CNTNAP5: variants seen among roughly 807,000 people sequenced by gnomAD.
The protein encoded by CNTNAP5 is contactin-associated protein-like 5.
Under a neutral mutation model 150.2 loss-of-function variants are expected in CNTNAP5, and 72 were observed. The observed-to-expected ratio is 0.48, with a 90% CI of 0.40 to 0.58. CNTNAP5 has a LOEUF of 0.58. CNTNAP5 is among the 20% of genes least tolerant of loss of function. CNTNAP5 has a pLI of 0.00. For missense variants in CNTNAP5, 1,636 were observed against 1,626.2 expected, an observed-to-expected ratio of 1.01 and a Z score of -0.10; for synonymous variants, 672 against 619.8, an observed-to-expected ratio of 1.08 and a Z score of -1.25.
Position 124,795,087 on chromosome 2 carries a change from C to A in CNTNAP5, c.2993-3009C>A, listed in dbSNP as rs146013667. 8.9e-4 allele frequency among the ~76,000 whole-genome samples: 136 copies of A among 152,258 alleles called. 1 individual carries two copies. In the East Asian group the frequency reaches 0.021, roughly 24 times the overall value. On this transcript the variant is annotated intron_variant, in intron 18 of 23. Transcript: ENST00000682447. ...GTTTGTTCTAATTCCAAATCTAATT[C>A]TACTACTATTATTAAAACCAGCTAC...
intron 1 of CNTNAP5, among the ~76,000 whole-genome samples, chr2:124,181,855 T>C (rs1405212487): frequency 1.3e-5 from 2 of 152,332 alleles, no homozygotes; most frequent in African/African-American, 4.8e-5. Flanking sequence ...TGGTATTAAT[T>C]ATGTGACAGA....
chr2:124,441,908 G>A lies in CNTNAP5; in HGVS notation c.734-4845G>A, dbSNP rs185674937. Among the ~76,000 whole-genome samples the A allele has an allele frequency of 3.0e-3, 461 of 151,276 alleles. 6 individuals carry two copies. In the East Asian group the frequency reaches 0.037, roughly 12 times the overall value. On this transcript the variant is annotated intron_variant, in intron 5 of 23. Transcript: ENST00000682447. ...AGTAAATGAACAATGTAAACAAGGA[G>A]CAATGCTAATCCACTTTTGAGGAAA...
chr2:124,248,699 T>C (rs1311604621), intron 3 of CNTNAP5, among the ~76,000 whole-genome samples: 1 of 152,218 alleles, frequency 6.6e-6, no homozygotes, highest in African/African-American at 2.4e-5. Context: ...GCCTAACCTC[T>C]TTAAGGAGTA....
At chr2:124,832,306 A>T (rs891449824) in intron 19 of CNTNAP5, among the ~76,000 whole-genome samples, 1 of 152,160 alleles carries the variant, frequency 6.6e-6, no homozygotes, top group Non-Finnish European at 1.5e-5. Flanking sequence ...TCGTTTATTT[A>T]TGCATCTACT....
At chr2:124,062,804 T>A (rs1338487963) in intron 1 of CNTNAP5, among the ~76,000 whole-genome samples, 1 of 151,698 alleles carries the variant, frequency 6.6e-6, no homozygotes, top group Admixed American at 6.6e-5. Context: ...TCCTTGGGAG[T>A]TTTTTTGGTG....
intron 1 of CNTNAP5, among the ~76,000 whole-genome samples, chr2:124,126,357 G>A (rs935375720): frequency 6.6e-6 from 1 of 152,100 alleles, no homozygotes; most frequent in Admixed American, 6.5e-5. Context: ...GACTAAATCA[G>A]GAAGAAGTTG....
chr2:124,710,897 A>G (rs1175477548), intron 13 of CNTNAP5, among the ~76,000 whole-genome samples: 1 of 152,136 alleles, frequency 6.6e-6, no homozygotes, highest in Non-Finnish European at 1.5e-5. Context: ...TCTCCTTGCC[A>G]TTACTGTGCA....
rs187780435 is a variant in CNTNAP5, at chr2:124,077,384, A to G, written c.82+51652A>G. On this transcript the variant is annotated intron_variant, in intron 1 of 23. Coordinates refer to ENST00000682447, the MANE Select transcript of CNTNAP5 (RefSeq NM_001367498.1). ...ATTCTCCTAAACTAAGCTGTGTGATAAACTAGAGATAACTCCCAAATTCAA... is the reference window on the plus strand; with the variant it reads ...ATTCTCCTAAACTAAGCTGTGTGATGAACTAGAGATAACTCCCAAATTCAA... 4.5e-3 allele frequency among the ~76,000 whole-genome samples: 690 copies of G among 152,322 alleles called. 10 individuals are homozygous for G. Among genetic ancestry groups the G allele is most frequent in the Non-Finnish European group, 2.1e-3 (140 of 68,036 alleles).
At chr2:124,275,043 A>T (rs943402079) in intron 3 of CNTNAP5, among the ~76,000 whole-genome samples, 1 of 152,174 alleles carries the variant, frequency 6.6e-6, no homozygotes, top group Non-Finnish European at 1.5e-5. Flanking sequence ...TTACATGGAC[A>T]GTGTCAGGCA....
intron 11 of CNTNAP5, among the ~76,000 whole-genome samples, chr2:124,605,159 C>T (rs1697073082): frequency 6.6e-6 from 1 of 152,214 alleles, no homozygotes; most frequent in African/African-American, 2.4e-5. Flanking sequence ...CAGCTTACCA[C>T]CACCCAGCCT....
In CNTNAP5 at chr2:124,063,176, A is replaced by C. The variant is rs537841532; in HGVS notation, c.82+37444A>C. Among the ~76,000 whole-genome samples, 13 of 152,254 alleles carry C rather than the reference A, an allele frequency of 8.5e-5. No individual in the cohort carries two copies. The South Asian group carries it at 2.5e-3, about 29-fold the overall frequency. ...CCGAAACGGAAAAACTAATACAGCC[A>C]AATAATGAGCTCATAAATACTAATT... On this transcript the variant is annotated intron_variant, in intron 1 of 23. Transcript: ENST00000682447.
intron 13 of CNTNAP5, among the ~76,000 whole-genome samples, chr2:124,726,945 C>A (rs1680168926): frequency 6.6e-6 from 1 of 151,882 alleles, no homozygotes; most frequent in South Asian, 2.1e-4. Flanking sequence ...CCAGTGTTTT[C>A]TTCTGTTATT....
chr2:124,506,197 A>AAAG (rs953108380), intron 8 of CNTNAP5, among the ~76,000 whole-genome samples: 3 of 151,932 alleles, frequency 2.0e-5, no homozygotes, highest in Admixed American at 2.0e-4. Context: ...TAAAGAAAAA[A>AAAG]AAAAAAAAAA....
At chr2:124,292,083 C>T (rs931825549) in intron 3 of CNTNAP5, among the ~76,000 whole-genome samples, 2 of 152,120 alleles carry the variant, frequency 1.3e-5, no homozygotes, top group African/African-American at 4.8e-5. Context: ...CAGGAGGGTG[C>T]ACCCCAGTTT....
At chr2:124,738,002 T>C (rs1218873253) in intron 13 of CNTNAP5, among the ~76,000 whole-genome samples, 1 of 152,238 alleles carries the variant, frequency 6.6e-6, no homozygotes, top group Non-Finnish European at 1.5e-5. Flanking sequence ...AGTCTAAATA[T>C]ACACAATGGC....
chr2:124,047,922 C>T (rs776429853), intron 1 of CNTNAP5, among the ~76,000 whole-genome samples: 1 of 152,182 alleles, frequency 6.6e-6, no homozygotes, highest in African/African-American at 2.4e-5. Flanking sequence ...TGTCTTTATA[C>T]TGCTCCTCTA....
intron 21 of CNTNAP5, among the ~76,000 whole-genome samples, chr2:124,894,828 T>C (rs898753850): frequency 6.6e-6 from 1 of 151,442 alleles, no homozygotes; most frequent in Non-Finnish European, 1.5e-5. Context: ...ACTGGGATTA[T>C]AAGAGTGAGC....
intron 6 of CNTNAP5, among the ~76,000 whole-genome samples, chr2:124,453,076 A>G (rs910900617): frequency 1.3e-5 from 2 of 152,164 alleles, no homozygotes; most frequent in Non-Finnish European, 2.9e-5. Flanking sequence ...TTATTCAGCT[A>G]ATCAGTGAGA....
intron 8 of CNTNAP5, among the ~76,000 whole-genome samples, chr2:124,523,076 G>A (rs1411505414): frequency 6.6e-6 from 1 of 152,098 alleles, no homozygotes; most frequent in Admixed American, 6.6e-5. Context: ...GACTACCCTA[G>A]GGTAGAGATC....
Sources: gnomAD v4.1 joint callset for allele counts (sites outside exome capture counted in the v4.1 genomes callset) on GRCh38, gnomAD v4.1.1 for gene constraint, MANE v1.5 for transcripts, NCBI Gene and HGNC (gene_info 2026-07-23, HGNC 2026-07-21) for gene names.